The following MFSD11 variants were observed in gnomAD, a reference collection of about 807,000 sequenced individuals.
The protein encoded by MFSD11 is UNC93-like protein MFSD11.
Under a neutral mutation model 53.5 loss-of-function variants are expected in MFSD11, and 36 were observed. That is an observed-to-expected ratio of 0.67 (90% confidence interval 0.52 to 0.89). The LOEUF (loss-of-function observed/expected upper bound fraction) is 0.89. Among genes scored for constraint, MFSD11 ranks in the 40% least tolerant of loss-of-function variants. The pLI is 0.00. For synonymous variants in MFSD11, 186 were observed against 184.9 expected (o/e 1.01, Z -0.05); for missense variants, 530 against 543.9 (o/e 0.97, Z 0.25).
rs763083012 is a variant in MFSD11 at position 76,776,378 on chromosome 17, A to G, written c.1050-28A>G. ...TAAATGGCTCTAGCAGATATTGCTC[A>G]TACTAAATTGATTTTTATTTTCTTC... is the stretch of plus-strand genomic sequence containing the variant. On this transcript the variant is annotated intron_variant, in intron 11 of 12. Coordinates refer to ENST00000685175, the MANE Select transcript of MFSD11 (RefSeq NM_001242532.5). This position sits in a 1 kb window ranked among gnomAD's most constrained non-coding sequence, Gnocchi z 4.2. The G allele has an allele frequency of 1.7e-5, 28 of 1,610,180 alleles. No homozygotes were observed. The Middle Eastern group carries it at 5.0e-4, about 29-fold the overall frequency.
the MFSD11 span, among the ~76,000 whole-genome samples, chr17:76,800,812 C>G: frequency 1.7e-4 from 26 of 152,254 alleles, no homozygotes; most frequent in East Asian, 5.0e-3. Flanking sequence ...TGCAGTGGCT[C>G]ACACCTGTAT....
downstream of MFSD11, among the ~76,000 whole-genome samples, chr17:76,779,724 A>G (rs2082108808): frequency 6.6e-6 from 1 of 152,146 alleles, no homozygotes; most frequent in Non-Finnish European, 1.5e-5. Flanking sequence ...ACCTCAGGTG[A>G]TTCACCTGCC....
intron 8 of MFSD11, among the ~76,000 whole-genome samples, chr17:76,759,921 T>C (rs1309697085): frequency 6.6e-6 from 1 of 151,428 alleles, no homozygotes; most frequent in Non-Finnish European, 1.5e-5. Flanking sequence ...TCTATACGTA[T>C]TATATACTGT....
intron 5 of MFSD11, 52 bp from the exon 6 acceptor site, chr17:76,743,346 A>G (rs771331323): frequency 3.4e-6 from 4 of 1,187,284 alleles, no homozygotes; most frequent in East Asian, 5.0e-5. Flanking sequence ...TTAAAAAACT[A>G]TAAATATTAA....
At chr17:76,793,336 G>T in the MFSD11 span, among the ~76,000 whole-genome samples, 1 of 151,322 alleles carries the variant, frequency 6.6e-6, no homozygotes, top group Non-Finnish European at 1.5e-5. Flanking sequence ...CTCTTTCAGG[G>T]CTGTTCCTTG....
intron 5 of MFSD11, among the ~76,000 whole-genome samples, chr17:76,742,519 A>G (rs62086786): frequency 6.6e-6 from 1 of 150,506 alleles, no homozygotes; most frequent in African/African-American, 2.4e-5. Context: ...TTTTTTTTAA[A>G]TGAGACGGTG....
intron 8 of MFSD11, among the ~76,000 whole-genome samples, chr17:76,766,622 A>C (rs1183578188): frequency 1.4e-4 from 22 of 152,076 alleles, no homozygotes; most frequent in Admixed American, 1.4e-3. Flanking sequence ...TTAGAGAAAA[A>C]AGTATCCTTT....
Position 76,742,201 on chromosome 17 carries a change from G to A in MFSD11, c.365G>A (p.Cys122Tyr), listed in dbSNP as rs934566357. The change falls in exon 5 of 13, where the codon TGC becomes TAC. Residue 122 changes from cysteine (C) to tyrosine (Y), a missense_variant. Coordinates refer to ENST00000685175, the MANE Select transcript of MFSD11 (RefSeq NM_001242532.5). ...GTGCTTTGGACAGCACAAGGAAACT[G>A]CCTGACAATCAATTCGGATGAGCAC... Reference protein sequence around the residue: ...AAVLWTAQGNCLTINSDEHSI... With the variant: ...AAVLWTAQGNYLTINSDEHSI... The A allele has an allele frequency of 6.2e-7, 1 of 1,614,184 alleles. No homozygotes were observed.
chr17:76,740,848 T>C (rs1374010998), intron 2 of MFSD11, 109 bp from the exon 3 acceptor site: 2 of 665,072 alleles, frequency 3.0e-6, no homozygotes, highest in Non-Finnish European at 5.3e-6. Flanking sequence ...CTAAATAATA[T>C]GAGTGTTTAT....
chr17:76,746,728 C>T (rs9904613), intron 7 of MFSD11, among the ~76,000 whole-genome samples: 8,066 of 152,162 alleles, frequency 0.053, 662 homozygotes, highest in African/African-American at 0.18. Context: ...GGCTTATTGA[C>T]TATTTTAAGC....
chr17:76,750,581 C>T (rs1009731224), intron 7 of MFSD11, among the ~76,000 whole-genome samples: 1 of 151,960 alleles, frequency 6.6e-6, no homozygotes, highest in Non-Finnish European at 1.5e-5. Flanking sequence ...TGGTCTCGAT[C>T]TCCTGACCTC....
At chr17:76,781,107 A>G (rs78601569), downstream of MFSD11, 3,951 of 152,208 alleles carry the variant, frequency 0.026, 171 homozygotes, top group African/African-American at 0.089. Flanking sequence ...GCTGCAGTCC[A>G]TGTCTCTGCA....
chr17:76,738,976 CG>C lies in MFSD11; in HGVS notation c.137del (p.Gly46AlafsTer19). 1 of 1,613,672 alleles carries C rather than the reference CG, an allele frequency of 6.2e-7. No individual in the cohort carries two copies. On this transcript the variant is annotated frameshift_variant, in exon 2 of 13. Transcript: ENST00000685175. LOFTEE classifies it high-confidence loss of function. ...GGAGCTTAAATAGGACAGATTTTCA[CG>C]GCAGTGGATATACCAGGTATTGTAC... ...IRSLNRTDFH[G>X]SGYTSMAIIY...
intron 7 of MFSD11, among the ~76,000 whole-genome samples, chr17:76,753,265 C>T (rs1019897292): frequency 2.0e-5 from 3 of 152,046 alleles, no homozygotes; most frequent in Admixed American, 1.3e-4. Flanking sequence ...AAAGTAACCA[C>T]CTCAGGATGC....
chr17:76,801,636 G>A, the MFSD11 span, among the ~76,000 whole-genome samples: 192 of 151,958 alleles, frequency 1.3e-3, 1 homozygote, highest in Non-Finnish European at 2.4e-3. Context: ...CGTAGAGACA[G>A]GATTTCACCA....
At position 76,741,971 on chromosome 17, in the gene MFSD11, T is replaced by C. The variant is rs774369394; in HGVS notation, c.263T>C (p.Met88Thr). The C allele has an allele frequency of 4.3e-6, 7 of 1,614,160 alleles. No homozygotes were observed. Among genetic ancestry groups the C allele is most frequent in the Admixed American group, 1.7e-5 (1 of 60,022 alleles). The change falls in exon 4 of 13, where the codon ATG (methionine) becomes ACG (threonine). Residue 88 changes from methionine to threonine, a missense_variant and splice_region_variant. Transcript: ENST00000685175. ...TACCTTGACCTGTTATATTTTAGCATGTACATTGCCGTTTTCATCCAGCCT... is the reference window on the plus strand; with the variant it reads ...TACCTTGACCTGTTATATTTTAGCACGTACATTGCCGTTTTCATCCAGCCT... The part of the protein sequence containing the change: ...SMFASGLFYS[M>T]YIAVFIQPFP...
intron 8 of MFSD11, among the ~76,000 whole-genome samples, chr17:76,764,686 TACACAC>T (rs35495045): frequency 1.3e-5 from 2 of 151,106 alleles, no homozygotes; most frequent in South Asian, 2.1e-4. Context: ...ATATAATTAA[TACACAC>T]ACACACACAC....
the MFSD11 span, among the ~76,000 whole-genome samples, chr17:76,800,421 T>C: frequency 6.6e-6 from 1 of 152,208 alleles, no homozygotes; most frequent in African/African-American, 2.4e-5. Flanking sequence ...GCATTGCCTC[T>C]GTAATGGTCA....
At chr17:76,740,915 T>G (rs988405395) in intron 2 of MFSD11, 42 bp from the exon 3 acceptor site, 1 of 1,194,142 alleles carries the variant, frequency 8.4e-7, no homozygotes, top group African/African-American at 1.6e-5. Context: ...AAGGGCTTTG[T>G]TCTTTTTTTT....
Sources: allele counts gnomAD v4.1 joint callset (sites outside exome capture counted in the v4.1 genomes callset), GRCh38; gene constraint gnomAD v4.1.1; non-coding constraint Gnocchi (gnomAD v3.1); transcripts MANE v1.5; gene names NCBI Gene and HGNC (gene_info 2026-07-23, HGNC 2026-07-21).